Variants in TPRN observed in about 807,000 individuals in gnomAD.
TPRN encodes the protein chromosome 9 open reading frame 75.
A neutral mutation model predicts 42.6 loss-of-function variants in TPRN; 32 were observed. That is an observed-to-expected ratio of 0.75 (90% confidence interval 0.57 to 1.01). TPRN has a LOEUF of 1.01. TPRN is among the 50% of genes least tolerant of loss of function. The pLI is 0.00. For missense variants in TPRN, 1,095 were observed against 957.5 expected, an observed-to-expected ratio of 1.14 and a Z score of -1.90; for synonymous variants, 541 against 445.6, an observed-to-expected ratio of 1.21 and a Z score of -2.70.
Position 137,200,369 on chromosome 9 carries a change from C to A in TPRN, c.343G>T (p.Ala115Ser). 1 of 1,068,890 alleles carries A rather than the reference C, an allele frequency of 9.4e-7. No homozygotes were observed. Among genetic ancestry groups the A allele is most frequent in the South Asian group, 3.3e-5 (1 of 30,768 alleles). 66.2% of individuals were successfully genotyped at this position (1,068,890 alleles called of 1,614,324 possible). The stretch of plus-strand genomic sequence containing the variant: ...ACCTCGGCGGCGCGGATCTGCGCGG[C>A]CCCCGGGGCGGGCGGCGCGGGCGGG... Reference protein sequence around the residue: ...GFPPAPPAPGAAQIRAAEVLV... With the variant: ...GFPPAPPAPGSAQIRAAEVLV... Residue 115 changes from alanine to serine, a missense_variant, in exon 1 of 4, where the codon GCC becomes TCC. Coordinates refer to ENST00000409012, the MANE Select transcript of TPRN (RefSeq NM_001128228.3). The surrounding 1 kb of genome is among the most constrained non-coding windows in gnomAD (Gnocchi z 4.3).
rs1834783226 is a variant in TPRN at position 137,200,184 on chromosome 9, C to T, written c.528G>A (p.Pro176=). 1 of 1,016,808 alleles carries T rather than the reference C, an allele frequency of 9.8e-7. No individual in the cohort carries two copies. Among genetic ancestry groups the T allele is most frequent in the Non-Finnish European group, 1.2e-6 (1 of 852,876 alleles). 63.0% of individuals were successfully genotyped at this position (1,016,808 alleles called of 1,614,324 possible). Residue 176 remains proline (P), a synonymous_variant, in exon 1 of 4, where the codon CCG becomes CCA. Coordinates refer to ENST00000409012, the MANE Select transcript of TPRN (RefSeq NM_001128228.3). This position sits in a 1 kb window ranked among gnomAD's most constrained non-coding sequence, Gnocchi z 4.3. ...PPRPPPAAPS[P]PAAPGPRGGG... is the part of the protein sequence containing the mutation. ...CACCGCGGGGCCCGGGCGCGGCGGG[C>T]GGGCTGGGGGCCGCGGGCGGGGGCC...
chr9:137,197,534 G>A (rs928005614), intron 1 of TPRN, among the ~76,000 whole-genome samples: 8 of 152,144 alleles, frequency 5.3e-5, no homozygotes, highest in Non-Finnish European at 1.0e-4. Context: ...CCTGAACTCC[G>A]TACTCGCCCC....
At position 137,197,294 on chromosome 9, in the gene TPRN, G is replaced by T. The variant is rs117673646; in HGVS notation, c.1725+1693C>A. 9.0e-4 allele frequency among the ~76,000 whole-genome samples: 137 copies of T among 152,206 alleles called. 1 individual carries two copies. In the East Asian group the frequency reaches 0.013, roughly 15 times the overall value. ...TTTTATATCTTCTTAGTAGAGACGGGGTTTCACCACCTTGGCAAGGCTTGT... is the reference window on the plus strand; with the variant it reads ...TTTTATATCTTCTTAGTAGAGACGGTGTTTCACCACCTTGGCAAGGCTTGT... On this transcript the variant is annotated intron_variant, in intron 1 of 3. Coordinates refer to ENST00000409012, the MANE Select transcript of TPRN (RefSeq NM_001128228.3).
intron 1 of TPRN, 54 bp downstream of exon 1, chr9:137,198,933 C>T: frequency 6.2e-7 from 1 of 1,609,932 alleles, no homozygotes; most frequent in Non-Finnish European, 8.5e-7. Context: ...CCCCACAGTT[C>T]TGTGAGCTGT....
chr9:137,197,244 G>A (rs1173846212), intron 1 of TPRN, among the ~76,000 whole-genome samples: 11 of 152,266 alleles, frequency 7.2e-5, no homozygotes, highest in East Asian at 3.9e-4. Flanking sequence ...GATTATAGGC[G>A]CCCGCCACCA....
chr9:137,194,750 G>A (rs1834681783), intron 1 of TPRN: 1 of 152,286 alleles, frequency 6.6e-6, no homozygotes, highest in Non-Finnish European at 1.5e-5. Context: ...CTGGGCTGGT[G>A]CCTGCTGACT....
intron 1 of TPRN, among the ~76,000 whole-genome samples, chr9:137,198,568 G>A (rs992031577): frequency 6.6e-6 from 1 of 152,236 alleles, no homozygotes; most frequent in African/African-American, 2.4e-5. Context: ...GGCGCCTGGC[G>A]CCCATGCAGC....
chr9:137,192,813 C>T (rs546035887), intron 1 of TPRN, 122 bp from the exon 2 acceptor site: 10 of 1,062,632 alleles, frequency 9.4e-6, no homozygotes, highest in East Asian at 4.8e-5. Flanking sequence ...CACCATCAAC[C>T]GTTCCGGGGG....
intron 1 of TPRN, chr9:137,193,235 C>T: frequency 6.1e-6 from 1 of 162,860 alleles, no homozygotes; most frequent in Non-Finnish European, 1.4e-5. Context: ...AGCATGGACC[C>T]CCCACTGTGA....
chr9:137,199,105 C>T lies in TPRN; in HGVS notation c.1607G>A (p.Cys536Tyr), dbSNP rs760126448. ...PREAEEEEAS[C>Y]LLGPTLKKRY... is the part of the protein sequence containing the mutation. Reference sequence around the variant, plus strand: ...CTTCTTCAACGTGGGCCCCAGGAGGCAACTAGCCTCCTCCTCCTCGGCCTC... The same window carrying T: ...CTTCTTCAACGTGGGCCCCAGGAGGTAACTAGCCTCCTCCTCCTCGGCCTC... The change falls in exon 1 of 4, where the codon TGC (cysteine) becomes TAC (tyrosine). Residue 536 changes from cysteine to tyrosine, a missense_variant. By Grantham distance (194) the Cys-to-Tyr change is radical (BLOSUM62 -2). Coordinates refer to ENST00000409012, the MANE Select transcript of TPRN (RefSeq NM_001128228.3). 7.4e-6 allele frequency: 12 copies of T among 1,613,152 alleles called. No individual in the cohort carries two copies. Among genetic ancestry groups the T allele is most frequent in the Non-Finnish European group, 9.3e-6 (11 of 1,180,014 alleles).
chr9:137,192,756 CAGGTTCAGCCCTCAGGA>C, intron 1 of TPRN, 65 bp from the exon 2 acceptor site: 2 of 1,573,470 alleles, frequency 1.3e-6, no homozygotes, highest in Non-Finnish European at 1.7e-6. Context: ...GCCAGGGGCT[CAGGTTCAGCCCTCAGGA>C]TGAGGCTGAC....
At position 137,192,535 on chromosome 9, in the gene TPRN, TCTC is replaced by T. The variant is rs764962160; in HGVS notation, c.1879_1881del (p.Glu627del). 6.2e-6 allele frequency: 10 copies of T among 1,608,374 alleles called. No homozygotes were observed. Among genetic ancestry groups the T allele is most frequent in the African/African-American group, 2.7e-5 (2 of 74,656 alleles). On this transcript the variant is annotated inframe_deletion, in exon 2 of 4. Coordinates refer to ENST00000409012, the MANE Select transcript of TPRN (RefSeq NM_001128228.3). ...CGGGGCAGGAAGAGTGCAAAGGGCT[TCTC>T]CTCTGAGCCGGATCCCTCTTCCTCC... is the stretch of plus-strand genomic sequence containing the variant.
At chr9:137,192,403 C>A (rs1834635357) in intron 2 of TPRN, 38 bp from the exon 3 acceptor site, 3 of 1,611,924 alleles carry the variant, frequency 1.9e-6, no homozygotes, top group South Asian at 1.1e-5. Flanking sequence ...TGGACACAGA[C>A]CAGGCTCCAC....
chr9:137,200,389 G>A lies in TPRN; in HGVS notation c.323C>T (p.Pro108Leu). 1 of 1,093,342 alleles carries A rather than the reference G, an allele frequency of 9.1e-7. No individual in the cohort carries two copies. The allele number at this position is 1,093,342 out of a possible 1,614,324, so 67.7% of individuals were successfully genotyped here. Residue 108 changes from proline (P) to leucine (L), a missense_variant, in exon 1 of 4, where the codon CCC becomes CTC. Transcript: ENST00000409012. The surrounding 1 kb of genome is among the most constrained non-coding windows in gnomAD (Gnocchi z 4.3). Reference sequence around the variant, plus strand: ...CGCGGCCCCCGGGGCGGGCGGCGCGGGCGGGAAGCCGGGCACCGTCTCGAT... The same window carrying A: ...CGCGGCCCCCGGGGCGGGCGGCGCGAGCGGGAAGCCGGGCACCGTCTCGAT... The part of the protein sequence containing the change: ...LIIETVPGFP[P>L]APPAPGAAQI...
At chr9:137,192,821 G>C in intron 1 of TPRN, 130 bp from the exon 2 acceptor site, 1 of 1,006,424 alleles carries the variant, frequency 9.9e-7, no homozygotes, top group Non-Finnish European at 1.5e-6. Flanking sequence ...ACCGTTCCGG[G>C]GGCTCCAGGA....
At chr9:137,195,162 C>G (rs1834687382) in intron 1 of TPRN, 1 of 153,030 alleles carries the variant, frequency 6.5e-6, no homozygotes, top group South Asian at 2.0e-4. Flanking sequence ...TACCTGCCTC[C>G]CATCCCCCAC....
chr9:137,191,667 G>A lies in TPRN; in HGVS notation c.*445C>T, dbSNP rs148347500. ...GTCCATCATCAGAGGCAGGAAAGAC[G>A]CCACTCATCACAGAGGGCATGTGGG... On this transcript the variant is annotated 3_prime_UTR_variant, in exon 4 of 4. Coordinates refer to ENST00000409012, the MANE Select transcript of TPRN (RefSeq NM_001128228.3). 157 of 313,942 alleles carry A rather than the reference G, an allele frequency of 5.0e-4. No homozygotes were observed. In the East Asian group the frequency reaches 0.011, roughly 21 times the overall value. The allele number at this position is 313,942 out of a possible 1,614,324, so 19.4% of individuals were successfully genotyped here. A position where few individuals can be genotyped will look rare whatever the true frequency, so the allele number is the denominator to read the frequency against.
At chr9:137,195,299 G>C (rs572381342) in intron 1 of TPRN, among the ~76,000 whole-genome samples, 1 of 152,262 alleles carries the variant, frequency 6.6e-6, no homozygotes, top group African/African-American at 2.4e-5. Flanking sequence ...CGCCAGGCAC[G>C]GCCTCCACCC....
At chr9:137,192,416 CT>C (rs939394820) in intron 2 of TPRN, 34 bp downstream of exon 2, 1 of 1,610,716 alleles carries the variant, frequency 6.2e-7, no homozygotes, top group African/African-American at 1.3e-5. Context: ...GGCTCCACCC[CT>C]CCCAGGCTGC....
Sources: allele counts gnomAD v4.1 joint callset (sites outside exome capture counted in the v4.1 genomes callset), GRCh38; gene constraint gnomAD v4.1.1; non-coding constraint Gnocchi (gnomAD v3.1); transcripts MANE v1.5; gene names NCBI Gene and HGNC (gene_info 2026-07-23, HGNC 2026-07-21).